CLDN16: variants seen among roughly 807,000 people sequenced by gnomAD.
CLDN16 encodes claudin-16.
Under a neutral mutation model 24.6 loss-of-function variants are expected in CLDN16, and 13 were observed. That is an observed-to-expected ratio of 0.53 (90% CI 0.34 to 0.84). CLDN16 has a LOEUF of 0.84. Ranked by LOEUF, CLDN16 falls within the 40% of genes least tolerant of loss-of-function variation. CLDN16 has a pLI of 0.01. For synonymous variants in CLDN16, 116 were observed against 106.7 expected (o/e 1.09, Z -0.54); for missense variants, 298 against 292.7 (o/e 1.02, Z -0.13).
At chr3:190,356,854 C>T (rs1249148202) in intron 1 of CLDN16, among the ~76,000 whole-genome samples, 1 of 151,694 alleles carries the variant, frequency 6.6e-6, no homozygotes, top group Non-Finnish European at 1.5e-5. Flanking sequence ...TTTTATTATT[C>T]AATTATTAAA....
chr3:190,380,194 C>A (rs1426250937), intron 3 of CLDN16, among the ~76,000 whole-genome samples: 1 of 50,202 alleles, frequency 2.0e-5, no homozygotes, highest in Admixed American at 2.3e-4. Context: ...TTTCTTCCTT[C>A]CCTCCCTTCC....
the CLDN16 span, among the ~76,000 whole-genome samples, chr3:190,301,459 A>G: frequency 6.6e-6 from 1 of 151,060 alleles, no homozygotes; most frequent in Non-Finnish European, 1.5e-5. Flanking sequence ...CGCACACTGC[A>G]TTCCAGCCTG....
At chr3:190,324,971 G>A (rs927147120) in intron 1 of CLDN16, among the ~76,000 whole-genome samples, 4 of 152,188 alleles carry the variant, frequency 2.6e-5, no homozygotes, top group South Asian at 2.1e-4. Context: ...AGCCTGTTGA[G>A]TAGTAAAATC....
chr3:190,322,961 C>A (rs1343031418), intron 1 of CLDN16, among the ~76,000 whole-genome samples: 5 of 149,476 alleles, frequency 3.3e-5, no homozygotes, highest in Non-Finnish European at 7.4e-5. Context: ...GAGACTTTTA[C>A]ACTCTACAGA....
At chr3:190,373,677 T>C (rs1718187571) in intron 2 of CLDN16, among the ~76,000 whole-genome samples, 1 of 151,900 alleles carries the variant, frequency 6.6e-6, no homozygotes, top group Admixed American at 6.6e-5. Flanking sequence ...AGACAGGTTG[T>C]GAGCTCTTAG....
intron 1 of CLDN16, among the ~76,000 whole-genome samples, chr3:190,398,127 C>T (rs754624264): frequency 7.2e-5 from 11 of 152,194 alleles, no homozygotes; most frequent in Non-Finnish European, 1.3e-4. Context: ...TTCATTAAGA[C>T]ACTACAGGGC....
chr3:190,351,342 T>C (rs1374378296), intron 1 of CLDN16, among the ~76,000 whole-genome samples: 1 of 151,962 alleles, frequency 6.6e-6, no homozygotes, highest in Non-Finnish European at 1.5e-5. Flanking sequence ...TGTTTTTTTT[T>C]CCCAGCCTTC....
chr3:190,369,200 A>G (rs1216004004), intron 1 of CLDN16, among the ~76,000 whole-genome samples: 1 of 151,956 alleles, frequency 6.6e-6, no homozygotes, highest in African/African-American at 2.4e-5. Context: ...TGCAAGTCTA[A>G]TTTAGACCCC....
At chr3:190,315,312 T>C in the CLDN16 span, among the ~76,000 whole-genome samples, 1 of 152,094 alleles carries the variant, frequency 6.6e-6, no homozygotes, top group Non-Finnish European at 1.5e-5. Context: ...AAGTTTAAAG[T>C]CCTACATCCT....
chr3:190,384,801 G>A (rs1718457621), upstream of CLDN16, among the ~76,000 whole-genome samples: 1 of 152,088 alleles, frequency 6.6e-6, no homozygotes, highest in South Asian at 2.1e-4. Context: ...TTAAGCATGT[G>A]GGATGCACTG....
At chr3:190,349,244 G>A (rs570788367) in intron 1 of CLDN16, among the ~76,000 whole-genome samples, 18 of 152,264 alleles carry the variant, frequency 1.2e-4, no homozygotes, top group African/African-American at 4.3e-4. Context: ...TCCCCTTGTT[G>A]TTCTCATGAT....
intron 1 of CLDN16, among the ~76,000 whole-genome samples, chr3:190,390,392 G>A (rs564807806): frequency 3.3e-5 from 5 of 152,258 alleles, no homozygotes; most frequent in South Asian, 2.1e-4. Context: ...AAATTAGCTG[G>A]GTGTGGTGGC....
At chr3:190,354,953 A>T (rs16865409) in intron 1 of CLDN16, among the ~76,000 whole-genome samples, 27,523 of 151,992 alleles carry the variant, frequency 0.18, 2,732 homozygotes, top group East Asian at 0.3. Context: ...CAAGTGCCTA[A>T]CAAGTGGTTT....
At chr3:190,369,118 AT>A (rs967773636) in intron 1 of CLDN16, among the ~76,000 whole-genome samples, 8 of 151,354 alleles carry the variant, frequency 5.3e-5, no homozygotes, top group South Asian at 2.1e-4. Context: ...TGAAAGACAG[AT>A]TTTTTTTTCA....
At chr3:190,395,863 TACTC>T (rs1718806820) in intron 1 of CLDN16, among the ~76,000 whole-genome samples, 1 of 152,086 alleles carries the variant, frequency 6.6e-6, no homozygotes, top group Non-Finnish European at 1.5e-5. Context: ...TGTGTATATT[TACTC>T]TCTCTCTCTC....
the CLDN16 span, among the ~76,000 whole-genome samples, chr3:190,292,275 G>A: frequency 6.6e-6 from 1 of 152,164 alleles, no homozygotes; most frequent in African/African-American, 2.4e-5. Context: ...GGACTCACAG[G>A]CACAACAGCA....
At chr3:190,408,723 G>A (rs1322943940) in intron 4 of CLDN16, among the ~76,000 whole-genome samples, 1 of 150,424 alleles carries the variant, frequency 6.6e-6, no homozygotes, top group East Asian at 1.9e-4. Context: ...ACAACTACAA[G>A]CATGTCCAAT....
At chr3:190,395,010 AT>A (rs1560095805) in intron 1 of CLDN16, among the ~76,000 whole-genome samples, 1 of 152,124 alleles carries the variant, frequency 6.6e-6, no homozygotes, top group Non-Finnish European at 1.5e-5. Flanking sequence ...GAAAAAAGAA[AT>A]TGATAATTTG....
At chr3:190,323,797 A>G (rs1716997107) in intron 1 of CLDN16, among the ~76,000 whole-genome samples, 1 of 152,198 alleles carries the variant, frequency 6.6e-6, no homozygotes, top group Non-Finnish European at 1.5e-5. Context: ...GCTTAAAACT[A>G]AAGGACTTGG....
Sources: allele counts gnomAD v4.1 joint callset (sites outside exome capture counted in the v4.1 genomes callset), GRCh38; gene constraint gnomAD v4.1.1; transcripts MANE v1.5; gene names NCBI Gene and HGNC (gene_info 2026-07-23, HGNC 2026-07-21).